Variants in ELN observed in about 807,000 individuals in gnomAD.
The protein encoded by ELN is tropoelastin.
A neutral mutation model predicts 105.8 loss-of-function variants in ELN; 65 were observed. The observed-to-expected ratio is 0.61, with a 90% CI of 0.50 to 0.75. ELN has a LOEUF of 0.75. Ranked by LOEUF, ELN falls within the 30% of genes least tolerant of loss-of-function variation. ELN has a pLI of 0.00. For missense variants in ELN, 882 were observed against 969.4 expected, an observed-to-expected ratio of 0.91 and a Z score of 1.20; for synonymous variants, 368 against 389.2, an observed-to-expected ratio of 0.95 and a Z score of 0.64.
At position 74,042,665 on chromosome 7, in the gene ELN, G is replaced by C. The variant is rs781853283; in HGVS notation, c.284G>C (p.Gly95Ala). Residue 95 changes from glycine to alanine, a missense_variant, in exon 6 of 33, where the codon GGA becomes GCA. By Grantham distance (60) the Gly-to-Ala change is moderately conservative. Transcript: ENST00000252034. ...VTFPGALVPG[G>A]VADAAAAYKA... ...TTTCCGGGGGCTCTGGTGCCTGGTGGAGTGGCTGACGCTGCTGCAGCCTAT... is the reference window on the plus strand; with the variant it reads ...TTTCCGGGGGCTCTGGTGCCTGGTGCAGTGGCTGACGCTGCTGCAGCCTAT... 1.9e-6 allele frequency: 3 copies of C among 1,613,548 alleles called. No individual in the cohort carries two copies. Among genetic ancestry groups the C allele is most frequent in the Non-Finnish European group, 2.5e-6 (3 of 1,180,002 alleles).
intron 10 of ELN, chr7:74,045,897 T>C: frequency 2.2e-6 from 1 of 454,788 alleles, no homozygotes; most frequent in Non-Finnish European, 4.0e-6. Flanking sequence ...TAGCTGGGCG[T>C]GGTGGCCTGC....
chr7:74,058,245 C>A (rs961555618), intron 22 of ELN, among the ~76,000 whole-genome samples: 2 of 83,740 alleles, frequency 2.4e-5, no homozygotes, highest in African/African-American at 1.4e-4. Context: ...TCTTTTTCTC[C>A]TTCTTTCTTC....
chr7:74,066,814 G>T, intron 32 of ELN, 38 bp downstream of exon 32: 1 of 1,607,154 alleles, frequency 6.2e-7, no homozygotes, highest in Non-Finnish European at 8.5e-7. Context: ...CTGCCCTGGA[G>T]CTGCAGCCAC....
rs2132260247 is a variant in ELN at position 74,059,498 on chromosome 7, A to G, written c.1415-388A>G. On this transcript the variant is annotated intron_variant, in intron 22 of 32. Coordinates refer to ENST00000252034, the MANE Select transcript of ELN (RefSeq NM_000501.4). ...GGAGTTTAAGACCAGCCTGGCCAAC[A>G]TGGTGAAACCCTGTCTCTACTAAAA... 2.2e-5 allele frequency: 7 copies of G among 322,646 alleles called. 1 individual carries two copies. The highest frequency in any genetic ancestry group is 2.1e-4 in the South Asian group (7 of 33,748). The allele number at this position is 322,646 out of a possible 1,614,324, so 20.0% of individuals were successfully genotyped here.
intron 1 of ELN, among the ~76,000 whole-genome samples, chr7:74,028,881 T>TGC (rs1252762498): frequency 2.0e-5 from 3 of 151,982 alleles, no homozygotes; most frequent in African/African-American, 7.3e-5. Context: ...TGTGTGTGTG[T>TGC]GCATGCACAC....
intron 22 of ELN, among the ~76,000 whole-genome samples, chr7:74,058,056 C>CCTT (rs569093979): frequency 3.3e-5 from 5 of 151,184 alleles, no homozygotes; most frequent in Non-Finnish European, 4.4e-5. Context: ...TGCTCCTCTT[C>CCTT]CTTCTTCTTC....
In ELN at chr7:74,063,659, G is replaced by A. The variant is rs782707801; in HGVS notation, c.1957G>A (p.Gly653Arg). ...GAAGLGGLGV[G>R]GLGVPGVGGL... is the part of the protein sequence containing the mutation. ...CGCTGGGCTCGGAGGACTCGGAGTC[G>A]GAGGGCTTGGAGTTCCAGGTGTTGG... The change falls in exon 29 of 33, where the codon GGA becomes AGA. Residue 653 changes from glycine (G) to arginine (R), a missense_variant. Physicochemically the swap from Gly to Arg is moderately radical, Grantham distance 125. Coordinates refer to ENST00000252034, the MANE Select transcript of ELN (RefSeq NM_000501.4). The surrounding 1 kb of genome is among the most constrained non-coding windows in gnomAD (Gnocchi z 4.1). The A allele has an allele frequency of 1.1e-5, 17 of 1,613,608 alleles. No individual in the cohort carries two copies. The highest frequency in any genetic ancestry group is 5.3e-5 in the African/African-American group (4 of 74,870).
At position 74,060,163 on chromosome 7, in the gene ELN, G is replaced by A. The variant is rs1394004060; in HGVS notation, c.1600G>A (p.Val534Met). 3 of 1,613,944 alleles carry A rather than the reference G, an allele frequency of 1.9e-6. No homozygotes were observed. Among genetic ancestry groups the A allele is most frequent in the Non-Finnish European group, 2.5e-6 (3 of 1,180,036 alleles). The part of the protein sequence containing the change: ...VAAAAKSAAK[V>M]AAKAQLRAAA... ...AGCTGCAGCAAAATCCGCTGCCAAG[G>A]TGGCTGCCAAAGCCCAGCTCCGTGA... Residue 534 changes from valine to methionine, a missense_variant, in exon 24 of 33, where the codon GTG (valine) becomes ATG (methionine). Coordinates refer to ENST00000252034, the MANE Select transcript of ELN (RefSeq NM_000501.4).
At chr7:74,054,681 C>T (rs782760740) in intron 18 of ELN, 35 bp from the exon 19 acceptor site, 2 of 1,611,418 alleles carry the variant, frequency 1.2e-6, no homozygotes, top group South Asian at 2.2e-5. Flanking sequence ...CCTCCAATCT[C>T]TCCTGAGCAT....
At chr7:74,065,618 A>G in intron 29 of ELN, 76 bp from the exon 30 acceptor site, 3 of 894,054 alleles carry the variant, frequency 3.4e-6, no homozygotes, top group Non-Finnish European at 4.7e-6. Context: ...TGCCTCAAGA[A>G]AAAAAAAAAA....
In ELN at chr7:74,069,297, A is replaced by C; in HGVS notation, c.*597A>C. The C allele has an allele frequency of 4.2e-6, 1 of 237,688 alleles. No individual in the cohort carries two copies. The highest frequency in any genetic ancestry group is 8.3e-6 in the Non-Finnish European group (1 of 120,280). The allele number at this position is 237,688 out of a possible 1,614,324, so 14.7% of individuals were successfully genotyped here. On this transcript the variant is annotated 3_prime_UTR_variant, in exon 33 of 33. Coordinates refer to ENST00000252034, the MANE Select transcript of ELN (RefSeq NM_000501.4). The stretch of plus-strand genomic sequence containing the variant: ...CGCTTTTGGGTTGGAAAACCACCCC[A>C]CACTGGGAATAGCCACCTTGCCCTT...
chr7:74,066,660 C>G, intron 31 of ELN, 72 bp from the exon 32 acceptor site: 1 of 1,505,544 alleles, frequency 6.6e-7, no homozygotes. Flanking sequence ...TGAGCCAGTG[C>G]AGGCAGAAAG....
At chr7:74,039,621 G>A (rs1348221280) in intron 4 of ELN, among the ~76,000 whole-genome samples, 7 of 152,250 alleles carry the variant, frequency 4.6e-5, no homozygotes, top group Admixed American at 4.6e-4. Context: ...CGGGGGACCA[G>A]GCAGCTGGAA....
At chr7:74,045,433 T>C (rs1792240491) in intron 10 of ELN, 140 bp downstream of exon 10, 3 of 956,266 alleles carry the variant, frequency 3.1e-6, no homozygotes, top group Non-Finnish European at 4.8e-6. Context: ...CTGGGCAGCC[T>C]GGTGCTGAAA....
intron 17 of ELN, 102 bp from the exon 18 acceptor site, chr7:74,053,061 C>A: frequency 6.4e-7 from 1 of 1,561,242 alleles, no homozygotes; most frequent in Non-Finnish European, 8.8e-7. Flanking sequence ...CACCTGCAAT[C>A]CTGCATTCAG....
chr7:74,065,342 C>T (rs1427858135), intron 29 of ELN, among the ~76,000 whole-genome samples: 1 of 151,662 alleles, frequency 6.6e-6, no homozygotes, highest in Admixed American at 6.6e-5. Flanking sequence ...TAGCCAGGTG[C>T]AGTGGCTCAC....
At chr7:74,034,195 C>T (rs138012224) in intron 1 of ELN, among the ~76,000 whole-genome samples, 165 of 152,324 alleles carry the variant, frequency 1.1e-3, no homozygotes, top group African/African-American at 3.8e-3. Flanking sequence ...GACCTCACGC[C>T]GTCCTATCAG....
intron 15 of ELN, among the ~76,000 whole-genome samples, chr7:74,048,951 C>A (rs1265983812): frequency 1.3e-5 from 2 of 151,746 alleles, no homozygotes; most frequent in Non-Finnish European, 2.9e-5. Flanking sequence ...ATCCATCCAT[C>A]CACTTATCTA....
intron 26 of ELN, 82 bp downstream of exon 26, chr7:74,061,221 A>G: frequency 1.9e-6 from 3 of 1,591,882 alleles, no homozygotes; most frequent in Non-Finnish European, 2.6e-6. Context: ...GTCACAATAG[A>G]AAAAGGCAGT....
Sources: gnomAD v4.1 joint callset for allele counts (sites outside exome capture counted in the v4.1 genomes callset) on GRCh38, gnomAD v4.1.1 for gene constraint, Gnocchi (gnomAD v3.1) non-coding constraint, MANE v1.5 for transcripts, NCBI Gene and HGNC (gene_info 2026-07-23, HGNC 2026-07-21) for gene names.